PDGFA: variants seen among roughly 807,000 people sequenced by gnomAD.
PDGFA encodes platelet-derived growth factor subunit A.
PDGFA carries 9 observed loss-of-function variants against 25.6 expected under a neutral mutation model. The ratio of observed to expected loss-of-function variants is 0.35; its 90% CI spans 0.21 to 0.61. The LOEUF (loss-of-function observed/expected upper bound fraction) is 0.61. Among genes scored for constraint, PDGFA ranks in the 20% least tolerant of loss-of-function variants. The probability of loss-of-function intolerance (pLI) is 0.75; values close to 1 mark genes in which losing one functional copy is unlikely to be tolerated. For missense variants in PDGFA, 242 were observed against 272.8 expected (o/e 0.89, Z 0.79); for synonymous variants, 133 against 111.8 (o/e 1.19, Z -1.20).
chr7:515,395 G>A (rs958343273), intron 2 of PDGFA, among the ~76,000 whole-genome samples: 24 of 152,286 alleles, frequency 1.6e-4, no homozygotes, highest in African/African-American at 5.3e-4. Flanking sequence ...AACGGGAGTT[G>A]AAGAAAAGAC....
chr7:513,048 A>C (rs1034645172), intron 2 of PDGFA: 12 of 178,780 alleles, frequency 6.7e-5, no homozygotes, highest in Non-Finnish European at 1.1e-4. Context: ...GACCCCACTC[A>C]TTCCTGAAAT....
At chr7:518,567 C>G in intron 1 of PDGFA, 1 of 217,464 alleles carries the variant, frequency 4.6e-6, no homozygotes, top group Non-Finnish European at 9.1e-6. Flanking sequence ...TATCCGCCGC[C>G]CTTCTCTCCT....
rs919920973 is a variant in PDGFA, at chr7:517,566, C to T, written c.64-76G>A. ...ACGCGCCCCCGGCCGCCAGGAGCGC[C>T]GCCGCCCCGGGCCCGAGGAGACCCC... On this transcript the variant is annotated intron_variant, in intron 1 of 5. Transcript: ENST00000402802. This position sits in a 1 kb window ranked among gnomAD's most constrained non-coding sequence, Gnocchi z 7.4. 9.8e-5 allele frequency: 50 copies of T among 511,942 alleles called. No individual in the cohort carries two copies. The highest frequency in any genetic ancestry group is 1.2e-4 in the Non-Finnish European group (47 of 388,978). 31.7% of individuals were successfully genotyped at this position (511,942 alleles called of 1,614,324 possible).
In PDGFA at chr7:507,613, C is replaced by T. The variant is rs142514244; in HGVS notation, c.453+3196G>A. Among the ~76,000 whole-genome samples, 1,210 of 152,330 alleles carry T rather than the reference C, an allele frequency of 7.9e-3. 22 individuals are homozygous for T. Among genetic ancestry groups the T allele is most frequent in the African/African-American group, 0.027 (1,137 of 41,562 alleles). On this transcript the variant is annotated intron_variant, in intron 4 of 5. Transcript: ENST00000402802. ...GAGCCATGGGCTGAGAGCCTCTCCC[C>T]GTACCTCCAAGCCTCCCCCAGCACC... is the stretch of plus-strand genomic sequence containing the variant.
At chr7:508,157 C>CT (rs1782645585) in intron 4 of PDGFA, among the ~76,000 whole-genome samples, 1 of 152,162 alleles carries the variant, frequency 6.6e-6, no homozygotes, top group South Asian at 2.1e-4. Flanking sequence ...GGAGAACCTT[C>CT]TCCCCGCCGC....
At chr7:510,717 GGGAGGGGAGA>G (rs1782774155) in intron 4 of PDGFA, 82 bp downstream of exon 4, 1 of 444,970 alleles carries the variant, frequency 2.2e-6, no homozygotes, top group Non-Finnish European at 3.9e-6. Flanking sequence ...GGGAGGGGAG[GGGAGGGGAGA>G]GGAGGGGAGG....
At chr7:512,606 C>T (rs969043146) in intron 2 of PDGFA, 151 bp from the exon 3 acceptor site, 3 of 1,542,056 alleles carry the variant, frequency 1.9e-6, no homozygotes, top group Non-Finnish European at 2.6e-6. Context: ...CCATTAGGGG[C>T]CCTCCAGGAG....
At chr7:505,983 G>A (rs1782545526) in intron 4 of PDGFA, among the ~76,000 whole-genome samples, 3 of 152,122 alleles carry the variant, frequency 2.0e-5, no homozygotes, top group Non-Finnish European at 1.5e-5. Flanking sequence ...AGACCAGCCT[G>A]ACCAATATGG....
intron 2 of PDGFA, chr7:512,820 G>C (rs1400864954): frequency 2.5e-6 from 1 of 406,884 alleles, no homozygotes; most frequent in Non-Finnish European, 4.4e-6. Flanking sequence ...GGGCAGGAGG[G>C]GCCTGAGGCC....
intron 4 of PDGFA, among the ~76,000 whole-genome samples, chr7:506,175 C>CAAAAAAAAAAAAAAAA (rs34159199): frequency 1.9e-5 from 2 of 107,348 alleles, no homozygotes; most frequent in African/African-American, 7.2e-5. Flanking sequence ...GACTCTGTCT[C>CAAAAAAAAAAAAAAAA]AAAAAAAAAA....
At chr7:515,780 G>C (rs1783060582) in intron 2 of PDGFA, among the ~76,000 whole-genome samples, 2 of 152,028 alleles carry the variant, frequency 1.3e-5, no homozygotes, top group Non-Finnish European at 2.9e-5. Flanking sequence ...TTTCTGTTCG[G>C]ACCCTACGAC....
intron 5 of PDGFA, among the ~76,000 whole-genome samples, 157 bp from the exon 6 acceptor site, chr7:498,731 T>C (rs1254395186): frequency 1.3e-5 from 2 of 152,192 alleles, no homozygotes; most frequent in African/African-American, 4.8e-5. Context: ...AGAATCACAT[T>C]TGCCACATTG....
Position 498,273 on chromosome 7 carries a change from G to A in PDGFA, c.*291C>T. 6.2e-6 allele frequency: 3 copies of A among 482,994 alleles called. 1 individual carries two copies. Among genetic ancestry groups the A allele is most frequent in the Non-Finnish European group, 1.1e-5 (3 of 270,002 alleles). 29.9% of individuals were successfully genotyped at this position (482,994 alleles called of 1,614,324 possible). A position where few individuals can be genotyped will look rare whatever the true frequency, so the allele number is the denominator to read the frequency against. Reference sequence around the variant, plus strand: ...CATCTCATCGAGTTTAGATATTTTTGTGAGTCCGTTTTGTTTTTGTCATTT... The same window carrying A: ...CATCTCATCGAGTTTAGATATTTTTATGAGTCCGTTTTGTTTTTGTCATTT... On this transcript the variant is annotated 3_prime_UTR_variant, in exon 6 of 6. Coordinates refer to ENST00000402802, the Ensembl canonical transcript of PDGFA.
Position 500,056 on chromosome 7 carries a change from A to G in PDGFA, c.580+1060T>C, listed in dbSNP as rs1782258505. 6.6e-6 allele frequency among the ~76,000 whole-genome samples: 1 copy of G among 152,232 alleles called. No homozygotes were observed. Among genetic ancestry groups the G allele is most frequent in the Admixed American group, 6.5e-5 (1 of 15,286 alleles). On this transcript the variant is annotated intron_variant, in intron 5 of 5. Transcript: ENST00000402802. This position sits in a 1 kb window ranked among gnomAD's most constrained non-coding sequence, Gnocchi z 5.0. ...CAGTCCTTATCTGTAATCTCAGTTA[A>G]GCCTCAGTTTTTTCATCTGTCAAAT...
chr7:511,305 ACTTAGTCCAGGT>A, intron 3 of PDGFA, among the ~76,000 whole-genome samples: 6 of 71,546 alleles, frequency 8.4e-5, no homozygotes, highest in African/African-American at 3.8e-4. Context: ...GGAGAGGGGA[ACTTAGTCCAGGT>A]GGGGCCAGAG....
chr7:512,391 G>C (rs367909588), exon 3 of PDGFA: 53 of 1,613,548 alleles, frequency 3.3e-5, no homozygotes, highest in Non-Finnish European at 4.3e-5. Context: ...GCCGCTTCTC[G>C]GGCACATGCT....
chr7:501,958 C>T (rs1236523899), intron 4 of PDGFA, among the ~76,000 whole-genome samples: 4 of 152,166 alleles, frequency 2.6e-5, no homozygotes, highest in African/African-American at 9.7e-5. Context: ...AGCATGGTGG[C>T]TCACGCCTGT....
rs1244476532 is a variant in PDGFA, at chr7:500,687, T to C, written c.580+429A>G. On this transcript the variant is annotated intron_variant, in intron 5 of 5. Transcript: ENST00000402802. The surrounding 1 kb of genome is among the most constrained non-coding windows in gnomAD (Gnocchi z 5.0). ...CCATAGCAGGGCACAGAAGCCATTC[T>C]GCTCCTGGGTGGAGTCCGCGTGGCG... 26 of 1,447,588 alleles carry C rather than the reference T, an allele frequency of 1.8e-5. No homozygotes were observed. Among genetic ancestry groups the C allele is most frequent in the Admixed American group, 8.0e-5 (3 of 37,472 alleles). The allele number at this position is 1,447,588 out of a possible 1,614,324, so 89.7% of individuals were successfully genotyped here. A position where few individuals can be genotyped will look rare whatever the true frequency, so the allele number is the denominator to read the frequency against.
At chr7:504,843 G>T (rs1009441064) in intron 4 of PDGFA, among the ~76,000 whole-genome samples, 1 of 152,208 alleles carries the variant, frequency 6.6e-6, no homozygotes, top group Non-Finnish European at 1.5e-5. Context: ...CAGACGCCCA[G>T]GCGAGGGGCA....
Sources: gnomAD v4.1 joint callset for allele counts (sites outside exome capture counted in the v4.1 genomes callset) on GRCh38, gnomAD v4.1.1 for gene constraint, Gnocchi (gnomAD v3.1) non-coding constraint, MANE v1.5 for transcripts, NCBI Gene and HGNC (gene_info 2026-07-23, HGNC 2026-07-21) for gene names.